The following UTRN variants were observed in gnomAD, a reference collection of about 807,000 sequenced individuals.
UTRN encodes utrophin.
UTRN carries 283 observed loss-of-function variants against 463.9 expected under a neutral mutation model. That is an observed-to-expected ratio of 0.61 (90% CI 0.55 to 0.67). The LOEUF (loss-of-function observed/expected upper bound fraction) is 0.67. Among genes scored for constraint, UTRN ranks in the 30% least tolerant of loss-of-function variants. The pLI is 0.00. For missense variants in UTRN, 3,922 were observed against 4,084.3 expected (o/e 0.96, Z 1.08); for synonymous variants, 1,442 against 1,431.5 (o/e 1.01, Z -0.17).
chr6:144,597,272 A>G (rs1803759199), intron 51 of UTRN, among the ~76,000 whole-genome samples: 1 of 151,460 alleles, frequency 6.6e-6, no homozygotes, highest in Non-Finnish European at 1.5e-5. Context: ...CTTACCTGGC[A>G]ATAAACATTT....
At chr6:144,416,924 T>C (rs1271349309) in intron 3 of UTRN, among the ~76,000 whole-genome samples, 2 of 152,234 alleles carry the variant, frequency 1.3e-5, no homozygotes, top group Non-Finnish European at 2.9e-5. Context: ...CTGTATTCTC[T>C]TTGTCAGAGA....
At chr6:144,400,771 A>T (rs943675991) in intron 2 of UTRN, among the ~76,000 whole-genome samples, 1 of 152,218 alleles carries the variant, frequency 6.6e-6, no homozygotes, top group African/African-American at 2.4e-5. Context: ...TAGAAAATGT[A>T]TCGTTTACAG....
intron 55 of UTRN, among the ~76,000 whole-genome samples, 156 bp from the exon 56 acceptor site, chr6:144,751,650 A>G (rs763040740): frequency 6.6e-6 from 1 of 152,178 alleles, no homozygotes; most frequent in African/African-American, 2.4e-5. Context: ...TTTGGTTGAA[A>G]AAAATCTGTG....
At chr6:144,822,528 TC>T (rs1293691629) in intron 66 of UTRN, among the ~76,000 whole-genome samples, 1 of 152,126 alleles carries the variant, frequency 6.6e-6, no homozygotes, top group Non-Finnish European at 1.5e-5. Context: ...ACAATTAAGA[TC>T]TGTGTCTTTC....
At chr6:144,613,336 T>C (rs1221656758) in intron 51 of UTRN, among the ~76,000 whole-genome samples, 1 of 151,976 alleles carries the variant, frequency 6.6e-6, no homozygotes, top group Non-Finnish European at 1.5e-5. Context: ...AAATCAACAA[T>C]AATGTGTTAT....
intron 57 of UTRN, among the ~76,000 whole-genome samples, chr6:144,757,052 G>A (rs1052171520): frequency 6.6e-6 from 1 of 151,900 alleles, no homozygotes; most frequent in African/African-American, 2.4e-5. Context: ...GGCTACGTGA[G>A]GATCTGATGA....
At chr6:144,780,554 C>T (rs1775732768) in intron 60 of UTRN, among the ~76,000 whole-genome samples, 1 of 152,176 alleles carries the variant, frequency 6.6e-6, no homozygotes, top group African/African-American at 2.4e-5. Flanking sequence ...GTCATCTCCA[C>T]ACTCAATAAA....
chr6:144,523,883 C>T (rs1299194548), intron 41 of UTRN, among the ~76,000 whole-genome samples: 3 of 152,230 alleles, frequency 2.0e-5, no homozygotes, highest in African/African-American at 7.2e-5. Context: ...TTTTTATAGC[C>T]TTCTGTTTAA....
chr6:144,733,035 C>T (rs553501378), intron 54 of UTRN, among the ~76,000 whole-genome samples: 1 of 152,222 alleles, frequency 6.6e-6, no homozygotes, highest in South Asian at 2.1e-4. Flanking sequence ...ATCTTTGGAT[C>T]ATCACCTTGA....
chr6:144,809,269 G>A (rs1188459704), intron 65 of UTRN, among the ~76,000 whole-genome samples: 1 of 152,130 alleles, frequency 6.6e-6, no homozygotes, highest in East Asian at 1.9e-4. Flanking sequence ...GTCACACAGA[G>A]ATGAGTAAAC....
intron 52 of UTRN, among the ~76,000 whole-genome samples, chr6:144,679,905 C>G (rs1468775675): frequency 6.6e-6 from 1 of 151,976 alleles, no homozygotes; most frequent in Non-Finnish European, 1.5e-5. Context: ...TGTAAAGTTC[C>G]CATTGGGAAA....
At chr6:144,573,957 G>A (rs147661159) in intron 50 of UTRN, among the ~76,000 whole-genome samples, 75 of 152,238 alleles carry the variant, frequency 4.9e-4, no homozygotes, top group African/African-American at 1.8e-3. Flanking sequence ...GACCTTTTAC[G>A]AACTCATAAC....
At chr6:144,591,690 A>G (rs966653929) in intron 51 of UTRN, among the ~76,000 whole-genome samples, 5 of 152,130 alleles carry the variant, frequency 3.3e-5, no homozygotes, top group Non-Finnish European at 7.4e-5. Context: ...GAAAGTATAC[A>G]TTTTAAGAAT....
intron 54 of UTRN, among the ~76,000 whole-genome samples, chr6:144,739,925 A>T (rs574548296): frequency 6.6e-6 from 1 of 152,332 alleles, no homozygotes; most frequent in South Asian, 2.1e-4. Flanking sequence ...AAGGAAGGGG[A>T]AAGTGAAAAA....
intron 74 of UTRN, among the ~76,000 whole-genome samples, chr6:144,848,143 A>C (rs1476072099): frequency 6.6e-6 from 1 of 151,970 alleles, no homozygotes; most frequent in Non-Finnish European, 1.5e-5. Flanking sequence ...GCAGGGAGTG[A>C]GGTTGGGGAG....
Position 144,835,775 on chromosome 6 carries a change from G to A in UTRN, c.9666-5G>A. The A allele has an allele frequency of 2.5e-6, 4 of 1,613,816 alleles. No individual in the cohort carries two copies. Among genetic ancestry groups the A allele is most frequent in the Non-Finnish European group, 2.5e-6 (3 of 1,179,872 alleles). ...CCTCTGGGTCTGTTTCCTTTGTCTT[G>A]CTAGGGAAGACGAGCACGCCCTCAT... is the stretch of plus-strand genomic sequence containing the variant. On this transcript the variant is annotated splice_polypyrimidine_tract_variant and splice_region_variant and intron_variant, in intron 69 of 74. Coordinates refer to ENST00000367545, the MANE Select transcript of UTRN (RefSeq NM_007124.3).
At chr6:144,662,048 C>CA (rs1477533232) in intron 51 of UTRN, among the ~76,000 whole-genome samples, 1 of 151,896 alleles carries the variant, frequency 6.6e-6, no homozygotes, top group Non-Finnish European at 1.5e-5. Flanking sequence ...AAGGCGAACT[C>CA]AAAGAAACAG....
chr6:144,783,228 T>C (rs1028739805), intron 61 of UTRN, among the ~76,000 whole-genome samples: 23 of 151,806 alleles, frequency 1.5e-4, no homozygotes, highest in Admixed American at 1.2e-3. Flanking sequence ...ACTAGAACTG[T>C]TGTTTTGCCT....
At chr6:144,520,103 A>T (rs1221686250) in intron 39 of UTRN, among the ~76,000 whole-genome samples, 5 of 152,170 alleles carry the variant, frequency 3.3e-5, no homozygotes, top group Non-Finnish European at 7.3e-5. Context: ...TTTCAGCAAA[A>T]TCTTGGTTAA....
Sources: gnomAD v4.1 joint callset for allele counts (sites outside exome capture counted in the v4.1 genomes callset) on GRCh38, gnomAD v4.1.1 for gene constraint, MANE v1.5 for transcripts, NCBI Gene and HGNC (gene_info 2026-07-23, HGNC 2026-07-21) for gene names.